Variants in APH1B observed in about 807,000 individuals in gnomAD.
The protein encoded by APH1B is aph-1B gamma-secretase subunit, also known as gamma-secretase subunit APH-1B.
In APH1B, 27 loss-of-function variants were observed where a neutral mutation model predicts 28.2. That is an observed-to-expected ratio of 0.96 (90% CI 0.70 to 1.32). APH1B has a LOEUF of 1.32. APH1B is among the 40% of genes most tolerant of loss of function. APH1B has a pLI of 0.00. For missense variants in APH1B, 305 were observed against 313.6 expected (o/e 0.97, Z 0.21); for synonymous variants, 141 against 124.6 (o/e 1.13, Z -0.88).
chr15:63,305,539 C>T (rs2038677125), intron 5 of APH1B, 75 bp from the exon 6 acceptor site: 1 of 1,528,944 alleles, frequency 6.5e-7, no homozygotes, highest in Admixed American at 1.8e-5. Flanking sequence ...TCCATGCTTC[C>T]CTTTATCTTT....
rs201964174 is a variant in APH1B, at chr15:63,287,541, A to T, written c.473A>T (p.Tyr158Phe). 1 of 1,613,790 alleles carries T rather than the reference A, an allele frequency of 6.2e-7. No individual in the cohort carries two copies. The highest frequency in any genetic ancestry group is 8.5e-7 in the Non-Finnish European group (1 of 1,179,812). ...IHGDSPQFFLYSAFMTLVIIL... is the reference protein window; with the variant it reads ...IHGDSPQFFLFSAFMTLVIIL... ...GGAGATTCTCCTCAATTCTTCCTTT[A>T]TTCAGGTATGTGTCTCATAGCTGTC... is the stretch of plus-strand genomic sequence containing the variant. The change falls in exon 4 of 6, where the codon TAT becomes TTT. Residue 158 changes from tyrosine (Y) to phenylalanine (F), a missense_variant. Transcript: ENST00000261879.
intron 4 of APH1B, among the ~76,000 whole-genome samples, chr15:63,290,137 T>C (rs2038490536): frequency 6.6e-6 from 1 of 152,232 alleles, no homozygotes; most frequent in South Asian, 2.1e-4. Context: ...ATAAGGGATA[T>C]TCAGCCTGTA....
chr15:63,298,897 TAAAA>T (rs11361217), intron 4 of APH1B, among the ~76,000 whole-genome samples: 4 of 142,944 alleles, frequency 2.8e-5, no homozygotes, highest in Non-Finnish European at 3.0e-5. Flanking sequence ...GTGTTGAATG[TAAAA>T]AAAAAAAAAA....
rs117618017 is a variant in APH1B, at chr15:63,277,703, C to T, written c.80C>T (p.Thr27Ile). The change falls in exon 1 of 6, where the codon ACC (threonine) becomes ATC (isoleucine). Residue 27 changes from threonine (T) to isoleucine (I), a missense_variant. Physicochemically the swap from Thr to Ile is moderately conservative, Grantham distance 89 (BLOSUM62 -1). Coordinates refer to ENST00000261879, the MANE Select transcript of APH1B (RefSeq NM_031301.4). Reference protein sequence around the residue: ...ALALYVFTIATEPLRIIFLIA... With the variant: ...ALALYVFTIAIEPLRIIFLIA... ...GCCCTTTATGTCTTCACCATCGCCA[C>T]CGAGCCGTTGCGTATCATCTTCCTC... 0.12 allele frequency: 186,056 copies of T among 1,610,832 alleles called. 12,275 individuals carry two copies. Among genetic ancestry groups the T allele is most frequent in the Non-Finnish European group, 0.14 (160,828 of 1,178,398 alleles).
At chr15:63,286,692 A>C in intron 3 of APH1B, 64 bp downstream of exon 3, 2 of 1,402,306 alleles carry the variant, frequency 1.4e-6, no homozygotes, top group Non-Finnish European at 2.0e-6. Context: ...AGTCATTTGC[A>C]TCTTTTGTAT....
At chr15:63,296,477 A>C (rs2038569395) in intron 4 of APH1B, among the ~76,000 whole-genome samples, 1 of 152,198 alleles carries the variant, frequency 6.6e-6, no homozygotes, top group African/African-American at 2.4e-5. Context: ...CTGTGCTGGC[A>C]GGAAGCCAGT....
At chr15:63,290,481 A>G (rs187584423) in intron 4 of APH1B, among the ~76,000 whole-genome samples, 1 of 152,376 alleles carries the variant, frequency 6.6e-6, no homozygotes, top group Admixed American at 6.5e-5. Context: ...TTTAGTCTAA[A>G]GGAGTTATAC....
intron 4 of APH1B, among the ~76,000 whole-genome samples, chr15:63,301,913 G>T (rs1233311690): frequency 6.6e-6 from 1 of 152,200 alleles, no homozygotes; most frequent in Non-Finnish European, 1.5e-5. Flanking sequence ...GCCTGGCCAT[G>T]ATTTTAATAT....
At chr15:63,277,810 G>C in intron 1 of APH1B, 74 bp downstream of exon 1, 1 of 1,420,134 alleles carries the variant, frequency 7.0e-7, no homozygotes, top group Non-Finnish European at 9.7e-7. Context: ...GACCCTCGGC[G>C]CCCCCACCGC....
intron 1 of APH1B, among the ~76,000 whole-genome samples, chr15:63,278,818 A>G (rs2038353646): frequency 6.6e-6 from 1 of 152,268 alleles, no homozygotes. Context: ...TTGGCTCATC[A>G]ATGGGCAGAG....
chr15:63,287,139 T>G (rs767311424), intron 3 of APH1B: 2 of 312,108 alleles, frequency 6.4e-6, no homozygotes, highest in Non-Finnish European at 1.2e-5. Context: ...AGTTTTGGTG[T>G]TGTATCCTCT....
intron 2 of APH1B, among the ~76,000 whole-genome samples, chr15:63,281,274 C>G (rs1240292277): frequency 2.0e-5 from 3 of 152,250 alleles, no homozygotes; most frequent in East Asian, 3.9e-4. Flanking sequence ...TTCACCTGGA[C>G]CTCAACAGGC....
intron 4 of APH1B, among the ~76,000 whole-genome samples, chr15:63,291,132 G>T (rs1018668794): frequency 2.0e-5 from 3 of 152,120 alleles, no homozygotes; most frequent in African/African-American, 7.2e-5. Context: ...TTAATTTAGA[G>T]AATATGTATT....
rs201485571 is a variant in APH1B, at chr15:63,305,695, G to T, written c.688G>T (p.Ala230Ser). 6.8e-6 allele frequency: 11 copies of T among 1,614,192 alleles called. No homozygotes were observed. Among genetic ancestry groups the T allele is most frequent in the Middle Eastern group, 1.6e-4 (1 of 6,062 alleles). ...LVLMGTWAFLAAGGSCRSLKL... is the reference protein window; with the variant it reads ...LVLMGTWAFLSAGGSCRSLKL... ...GCTCATGGGCACCTGGGCATTCTTA[G>T]CTGCGGGAGGCAGCTGCCGAAGCCT... is the stretch of plus-strand genomic sequence containing the variant. Residue 230 changes from alanine (A) to serine (S), a missense_variant, in exon 6 of 6, where the codon GCT becomes TCT. Physicochemically the swap from Ala to Ser is moderately conservative, Grantham distance 99. Transcript: ENST00000261879.
intron 4 of APH1B, among the ~76,000 whole-genome samples, chr15:63,295,751 A>C (rs1236340734): frequency 1.3e-5 from 2 of 152,226 alleles, no homozygotes; most frequent in Non-Finnish European, 2.9e-5. Context: ...AAATCATCCC[A>C]GCTGAAAATC....
chr15:63,287,236 TCTTCCCG>T, intron 3 of APH1B, 181 bp from the exon 4 acceptor site: 2 of 662,830 alleles, frequency 3.0e-6, no homozygotes, highest in Non-Finnish European at 5.0e-6. Context: ...TTTCCTTTCC[TCTTCCCG>T]CTTCCCTCTC....
Position 63,279,268 on chromosome 15 carries a change from T to G in APH1B, c.221T>G (p.Phe74Cys). 6 of 1,612,728 alleles carry G rather than the reference T, an allele frequency of 3.7e-6. No individual in the cohort carries two copies. The highest frequency in any genetic ancestry group is 5.1e-6 in the Non-Finnish European group (6 of 1,178,966). Residue 74 changes from phenylalanine to cysteine, a missense_variant, in exon 2 of 6, where the codon TTT (phenylalanine) becomes TGT (cysteine). Coordinates refer to ENST00000261879, the MANE Select transcript of APH1B (RefSeq NM_031301.4). Reference protein sequence around the residue: ...DGPTQKYLLIFGAFVSVYIQE... With the variant: ...DGPTQKYLLICGAFVSVYIQE... ...CCAACACAGAAATATCTGCTGATCT[T>G]TGGAGCGTTTGTCTCTGTCTATATC...
At chr15:63,287,385 G>C (rs2038458307) in intron 3 of APH1B, 39 bp from the exon 4 acceptor site, 1 of 1,605,664 alleles carries the variant, frequency 6.2e-7, no homozygotes, top group Middle Eastern at 1.7e-4. Context: ...TTGAAATCTT[G>C]GCAGGAAAAG....
intron 4 of APH1B, among the ~76,000 whole-genome samples, chr15:63,290,442 A>G (rs547484864): frequency 2.1e-4 from 32 of 152,214 alleles, no homozygotes; most frequent in Non-Finnish European, 3.8e-4. Flanking sequence ...TTATTGAATC[A>G]CTCATTCCAT....
Sources: allele counts gnomAD v4.1 joint callset (sites outside exome capture counted in the v4.1 genomes callset), GRCh38; gene constraint gnomAD v4.1.1; transcripts MANE v1.5; gene names NCBI Gene and HGNC (gene_info 2026-07-23, HGNC 2026-07-21).